The following DDX31 variants were observed in gnomAD, a reference collection of about 807,000 sequenced individuals.
The protein encoded by DDX31 is ATP-dependent DNA helicase DDX31.
Under a neutral mutation model 91.3 loss-of-function variants are expected in DDX31, and 70 were observed. That is an observed-to-expected ratio of 0.77 (90% CI 0.63 to 0.94). The LOEUF (loss-of-function observed/expected upper bound fraction) is 0.94. Ranked by LOEUF, DDX31 falls within the 40% of genes least tolerant of loss-of-function variation. The pLI is 0.00. For missense variants in DDX31, 902 were observed against 925.0 expected (o/e 0.98, Z 0.32); for synonymous variants, 362 against 350.6 (o/e 1.03, Z -0.36).
chr9:132,659,784 G>A lies in DDX31; in HGVS notation c.453-4C>T. ...AGGAATACTTTGCTTCTGAACACTG[G>A]GCCACCCGAAAAAAAGAACACACTT... On this transcript the variant is annotated splice_polypyrimidine_tract_variant and splice_region_variant and intron_variant, in intron 4 of 19. Coordinates refer to ENST00000372159, the MANE Select transcript of DDX31 (RefSeq NM_022779.9). 1 of 1,612,424 alleles carries A rather than the reference G, an allele frequency of 6.2e-7. No individual in the cohort carries two copies. Among genetic ancestry groups the A allele is most frequent in the East Asian group, 2.2e-5 (1 of 44,858 alleles).
chr9:132,613,866 A>G (rs1368634468), intron 18 of DDX31, among the ~76,000 whole-genome samples: 1 of 152,140 alleles, frequency 6.6e-6, no homozygotes, highest in African/African-American at 2.4e-5. Context: ...TAACAATGAA[A>G]ATCAAGTGTC....
chr9:132,599,737 A>G (rs1830631234), intron 19 of DDX31, among the ~76,000 whole-genome samples: 1 of 152,148 alleles, frequency 6.6e-6, no homozygotes, highest in Non-Finnish European at 1.5e-5. Flanking sequence ...ACAGACAGAC[A>G]GGGGTTCTTC....
At chr9:132,603,822 C>T (rs1830856098) in intron 19 of DDX31, among the ~76,000 whole-genome samples, 1 of 152,144 alleles carries the variant, frequency 6.6e-6, no homozygotes, top group Non-Finnish European at 1.5e-5. Flanking sequence ...CCCTGTGGTT[C>T]CCGCTGTCTG....
chr9:132,669,262 C>CT (rs772270956), intron 1 of DDX31, among the ~76,000 whole-genome samples: 12 of 139,928 alleles, frequency 8.6e-5, no homozygotes, highest in South Asian at 8.0e-4. Context: ...GCCCGCCCCC[C>CT]CCAAAGAACA....
chr9:132,665,664 T>TA (rs1835257908), intron 1 of DDX31, among the ~76,000 whole-genome samples: 2 of 152,348 alleles, frequency 1.3e-5, no homozygotes, highest in Non-Finnish European at 2.9e-5. Flanking sequence ...TTGCCGCACC[T>TA]GTAAAATGAG....
chr9:132,651,948 G>C (rs1392583934), intron 7 of DDX31, among the ~76,000 whole-genome samples: 3 of 151,960 alleles, frequency 2.0e-5, no homozygotes, highest in Non-Finnish European at 2.9e-5. Context: ...ATTTGATATA[G>C]AAACCACATA....
chr9:132,630,783 T>A (rs968881969), intron 15 of DDX31, among the ~76,000 whole-genome samples: 2 of 152,232 alleles, frequency 1.3e-5, no homozygotes, highest in African/African-American at 4.8e-5. Context: ...CCACATGACC[T>A]TGGCCTACTT....
chr9:132,637,143 G>A (rs1253538432), intron 14 of DDX31, among the ~76,000 whole-genome samples: 5 of 151,898 alleles, frequency 3.3e-5, no homozygotes, highest in African/African-American at 1.2e-4. Context: ...CTCATTCTCT[G>A]CCCCCGCCCT....
chr9:132,669,491 A>T, intron 1 of DDX31: 1 of 1,042,746 alleles, frequency 9.6e-7, no homozygotes, highest in Non-Finnish European at 1.3e-6. Flanking sequence ...ATCAGAGCTT[A>T]GTCCGCACTC....
At chr9:132,643,133 A>C (rs1833603339) in intron 13 of DDX31, among the ~76,000 whole-genome samples, 1 of 152,166 alleles carries the variant, frequency 6.6e-6, no homozygotes, top group Non-Finnish European at 1.5e-5. Flanking sequence ...TGATTTTTTA[A>C]TATTGCAATC....
At chr9:132,619,029 A>G (rs1366695963) in intron 17 of DDX31, among the ~76,000 whole-genome samples, 4 of 152,222 alleles carry the variant, frequency 2.6e-5, no homozygotes, top group Admixed American at 2.6e-4. Flanking sequence ...TTAAGGAGTG[A>G]GTGGGCTGTT....
rs1052556575 is a variant in DDX31, at chr9:132,595,531, C to T, written c.1995-419G>A. Among the ~76,000 whole-genome samples, 2 of 152,356 alleles carry T rather than the reference C, an allele frequency of 1.3e-5. No homozygotes were observed. Among genetic ancestry groups the T allele is most frequent in the Admixed American group, 1.3e-4 (2 of 15,312 alleles). On this transcript the variant is annotated intron_variant, in intron 19 of 19. Transcript: ENST00000372159. This position sits in a 1 kb window ranked among gnomAD's most constrained non-coding sequence, Gnocchi z 4.6. ...GTAACCCCTAAGCAGCTTAAAGCAA[C>T]TGGCCTCCTCATGGGCTCCTGAGGG...
At chr9:132,637,481 CATTT>C (rs1833189636) in intron 14 of DDX31, among the ~76,000 whole-genome samples, 1 of 152,174 alleles carries the variant, frequency 6.6e-6, no homozygotes, top group Non-Finnish European at 1.5e-5. Flanking sequence ...TAAAATGACT[CATTT>C]ATTTACCCAA....
intron 14 of DDX31, chr9:132,637,847 A>G (rs1833221806): frequency 1.0e-6 from 1 of 986,320 alleles, no homozygotes; most frequent in African/African-American, 1.7e-5. Context: ...TTACCTAAAA[A>G]GCATACCCCA....
chr9:132,619,505 T>C (rs1319158087), intron 17 of DDX31, among the ~76,000 whole-genome samples: 3 of 152,186 alleles, frequency 2.0e-5, no homozygotes, highest in Admixed American at 2.0e-4. Context: ...CTCTTTCACC[T>C]TTAAGGCTGA....
At chr9:132,659,466 T>C (rs762475676) in intron 5 of DDX31, among the ~76,000 whole-genome samples, 8 of 152,266 alleles carry the variant, frequency 5.3e-5, no homozygotes, top group Middle Eastern at 3.4e-3. Flanking sequence ...AGCCCCGAAA[T>C]AGGCTCTGAG....
rs71376648 is a variant in DDX31, at chr9:132,653,494, CAAAAAAAAAAAAAAAAAAA to C, written c.589-1021_589-1003del. Reference sequence around the variant, plus strand: ...GGGCAACAAGTGAAAAACTCAGTCTCAAAAAAAAAAAAAAAAAAAAAAAAAAAAAAAAAAAAAAAAATTT... The same window carrying C: ...GGGCAACAAGTGAAAAACTCAGTCTCAAAAAAAAAAAAAAAAAAAAAATTT... On this transcript the variant is annotated intron_variant, in intron 6 of 19. Transcript: ENST00000372159. 0.013 allele frequency among the ~76,000 whole-genome samples: 273 copies of C among 20,668 alleles called. 6 individuals are homozygous for C. The South Asian group carries it at 0.34, about 26-fold the overall frequency. The allele number at this position is 20,668 out of a possible 152,430, so 13.6% of individuals were successfully genotyped here. A position where few individuals can be genotyped will look rare whatever the true frequency, so the allele number is the denominator to read the frequency against.
chr9:132,618,183 T>C (rs1831762723), intron 18 of DDX31, 147 bp downstream of exon 18: 12 of 550,974 alleles, frequency 2.2e-5, no homozygotes, highest in Non-Finnish European at 9.3e-6. Context: ...TTCCAAACCC[T>C]GCAGAATTAT....
intron 11 of DDX31, 34 bp downstream of exon 11, chr9:132,648,155 A>G (rs1443867104): frequency 1.3e-6 from 2 of 1,538,508 alleles, no homozygotes. Context: ...TTCATTAAGA[A>G]CAAAGAAGGA....
Sources: allele counts gnomAD v4.1 joint callset (sites outside exome capture counted in the v4.1 genomes callset), GRCh38; gene constraint gnomAD v4.1.1; non-coding constraint Gnocchi (gnomAD v3.1); transcripts MANE v1.5; gene names NCBI Gene and HGNC (gene_info 2026-07-23, HGNC 2026-07-21).